The following STXBP5L variants were observed in gnomAD, a reference collection of about 807,000 sequenced individuals.
STXBP5L encodes the protein syntaxin binding protein 5L.
Under a neutral mutation model 144.5 loss-of-function variants are expected in STXBP5L, and 65 were observed. That is an observed-to-expected ratio of 0.45 (90% CI 0.37 to 0.55). The LOEUF is 0.55. Among genes scored for constraint, STXBP5L ranks in the 20% least tolerant of loss-of-function variants. The probability of loss-of-function intolerance (pLI) is 0.00; values close to 1 mark genes in which losing one functional copy is unlikely to be tolerated. For synonymous variants in STXBP5L, 505 were observed against 469.6 expected (o/e 1.08, Z -0.97); for missense variants, 1,298 against 1,405.5 (o/e 0.92, Z 1.22).
chr3:120,922,114 G>C (rs1239684787), intron 2 of STXBP5L, among the ~76,000 whole-genome samples: 1 of 151,812 alleles, frequency 6.6e-6, no homozygotes, highest in Non-Finnish European at 1.5e-5. Flanking sequence ...CTTTCCACTT[G>C]TTTGTGTCCT....
intron 19 of STXBP5L, among the ~76,000 whole-genome samples, chr3:121,288,319 T>C (rs930418200): frequency 1.3e-5 from 2 of 152,248 alleles, no homozygotes; most frequent in African/African-American, 4.8e-5. Context: ...TGTGTTTTTA[T>C]GGTAAACCAC....
Position 121,423,953 on chromosome 3 carries a change from A to G in STXBP5L, c.*4856A>G, listed in dbSNP as rs959590184. On this transcript the variant is annotated 3_prime_UTR_variant, in exon 27 of 27. Coordinates refer to ENST00000471454, the MANE Select transcript of STXBP5L (RefSeq NM_001308330.2). ...TGTGACTTGTCCATCAATTATTCCA[A>G]TTCAAAGGTCTAGGTTTTTTTTCAA... The G allele has an allele frequency of 6.6e-6, 1 of 152,178 alleles. No homozygotes were observed. Among genetic ancestry groups the G allele is most frequent in the Non-Finnish European group, 1.5e-5 (1 of 68,030 alleles). The allele number at this position is 152,178 out of a possible 1,614,324, so 9.4% of individuals were successfully genotyped here.
At chr3:121,034,945 A>T (rs1000280261) in intron 3 of STXBP5L, among the ~76,000 whole-genome samples, 3 of 152,044 alleles carry the variant, frequency 2.0e-5, no homozygotes, top group Non-Finnish European at 4.4e-5. Context: ...TTGTGGTTTT[A>T]ATTTGTATTT....
At chr3:121,262,313 G>A (rs998411594) in intron 18 of STXBP5L, among the ~76,000 whole-genome samples, 7 of 152,304 alleles carry the variant, frequency 4.6e-5, no homozygotes, top group African/African-American at 1.7e-4. Flanking sequence ...TAACTCAAAA[G>A]TTTAACGTTC....
chr3:121,301,329 C>T (rs1350939240), intron 19 of STXBP5L, among the ~76,000 whole-genome samples: 1 of 151,770 alleles, frequency 6.6e-6, no homozygotes, highest in East Asian at 1.9e-4. Context: ...GGAGTTCACT[C>T]GATTTGGCTC....
rs746387352 is a variant in STXBP5L, at chr3:121,418,376, C to T, written c.3266C>T (p.Ala1089Val). The T allele has an allele frequency of 1.8e-5, 29 of 1,613,810 alleles. No homozygotes were observed. The highest frequency in any genetic ancestry group is 2.3e-5 in the Non-Finnish European group (27 of 1,179,914). ...GCAGGAAAAGCATCCCGCAGCCTTG[C>T]GCAACACATTCCTGGACCAGGTAGT... Reference protein sequence around the residue: ...ASAGKASRSLAQHIPGPGSIE... With the variant: ...ASAGKASRSLVQHIPGPGSIE... Residue 1089 changes from alanine to valine, a missense_variant, in exon 26 of 27, where the codon GCG (alanine) becomes GTG (valine). Physicochemically the swap from Ala to Val is moderately conservative, Grantham distance 64. Coordinates refer to ENST00000471454, the MANE Select transcript of STXBP5L (RefSeq NM_001308330.2).
At chr3:121,221,888 T>C (rs2048984166) in intron 10 of STXBP5L, among the ~76,000 whole-genome samples, 1 of 151,894 alleles carries the variant, frequency 6.6e-6, no homozygotes. Context: ...AAAAAAACCC[T>C]TTTTGGTTAT....
intron 19 of STXBP5L, among the ~76,000 whole-genome samples, chr3:121,300,808 A>T (rs1266317184): frequency 6.6e-6 from 1 of 151,760 alleles, no homozygotes; most frequent in African/African-American, 2.4e-5. Context: ...CAAAGATTAT[A>T]TTAAATAGAG....
At position 121,420,231 on chromosome 3, in the gene STXBP5L, C is replaced by T. The variant is rs1484189401; in HGVS notation, c.*1134C>T. On this transcript the variant is annotated 3_prime_UTR_variant, in exon 27 of 27. Transcript: ENST00000471454. ...GACATTTCTGATTTACAAGGGCTTT[C>T]CTTAGAAAATACCTTTCGGTTTGAT... 1 of 152,098 alleles carries T rather than the reference C, an allele frequency of 6.6e-6. No individual in the cohort carries two copies. The highest frequency in any genetic ancestry group is 6.5e-5 in the Admixed American group (1 of 15,268). 9.4% of individuals were successfully genotyped at this position (152,098 alleles called of 1,614,324 possible).
chr3:121,008,699 C>A (rs1035583815), intron 3 of STXBP5L, among the ~76,000 whole-genome samples: 2 of 151,988 alleles, frequency 1.3e-5, no homozygotes, highest in South Asian at 2.1e-4. Flanking sequence ...GATAATAGTA[C>A]TACTAGTATA....
rs1481840692 is a variant in STXBP5L at position 121,041,746 on chromosome 3, G to A, written c.334G>A (p.Ala112Thr). Residue 112 changes from alanine (A) to threonine (T), a missense_variant, in exon 4 of 27, where the codon GCA becomes ACA. Ala to Thr is a moderately conservative substitution (Grantham distance 58, BLOSUM62 0). Coordinates refer to ENST00000471454, the MANE Select transcript of STXBP5L (RefSeq NM_001308330.2). The stretch of plus-strand genomic sequence containing the variant: ...TTGCTATTGCCAACATGAAAGTGGT[G>A]CAGCTGTCCTACAGCTCCAATTTTT... ...VDCYCQHESG[A>T]AVLQLQFLIN... 1.9e-6 allele frequency: 3 copies of A among 1,612,716 alleles called. No individual in the cohort carries two copies. The highest frequency in any genetic ancestry group is 2.5e-6 in the Non-Finnish European group (3 of 1,179,166).
intron 2 of STXBP5L, among the ~76,000 whole-genome samples, chr3:120,910,635 A>C (rs1421488000): frequency 6.6e-6 from 1 of 152,172 alleles, no homozygotes; most frequent in Non-Finnish European, 1.5e-5. Flanking sequence ...AAGAAATAGA[A>C]AAATTGCAAA....
intron 3 of STXBP5L, among the ~76,000 whole-genome samples, chr3:121,015,131 G>A (rs1945051658): frequency 6.6e-6 from 1 of 152,010 alleles, no homozygotes; most frequent in African/African-American, 2.4e-5. Context: ...ATCTCAGCAT[G>A]GTTTGTTGTT....
chr3:121,351,993 T>C (rs1223372557), intron 20 of STXBP5L, among the ~76,000 whole-genome samples: 1 of 152,130 alleles, frequency 6.6e-6, no homozygotes, highest in East Asian at 1.9e-4. Flanking sequence ...CAGATGATTG[T>C]AGATGTGTAG....
intron 5 of STXBP5L, among the ~76,000 whole-genome samples, chr3:121,094,037 G>A: frequency 6.6e-6 from 1 of 152,150 alleles, no homozygotes; most frequent in African/African-American, 2.4e-5. Flanking sequence ...GTGCCCAGTA[G>A]TCATTCAGGA....
At chr3:120,969,755 A>G (rs1165190078) in intron 3 of STXBP5L, among the ~76,000 whole-genome samples, 1 of 151,928 alleles carries the variant, frequency 6.6e-6, no homozygotes, top group Non-Finnish European at 1.5e-5. Flanking sequence ...TTATTTTTCT[A>G]CATGTGGCTT....
At chr3:121,113,565 T>A (rs908535189) in intron 5 of STXBP5L, among the ~76,000 whole-genome samples, 4 of 152,110 alleles carry the variant, frequency 2.6e-5, no homozygotes, top group Non-Finnish European at 4.4e-5. Flanking sequence ...CTTTGAATAA[T>A]ATATGAAGTT....
At chr3:121,083,673 A>AC (rs1286793358) in intron 5 of STXBP5L, among the ~76,000 whole-genome samples, 1 of 152,104 alleles carries the variant, frequency 6.6e-6, no homozygotes, top group Non-Finnish European at 1.5e-5. Flanking sequence ...AAGAAAAAAA[A>AC]AAAATGGTGT....
intron 3 of STXBP5L, among the ~76,000 whole-genome samples, chr3:120,976,161 A>T (rs1219317825): frequency 2.0e-5 from 3 of 152,164 alleles, no homozygotes; most frequent in Non-Finnish European, 4.4e-5. Flanking sequence ...TCGGCTGTGA[A>T]TCCATCTGGT....
Sources: allele counts gnomAD v4.1 joint callset (sites outside exome capture counted in the v4.1 genomes callset), GRCh38; gene constraint gnomAD v4.1.1; transcripts MANE v1.5; gene names NCBI Gene and HGNC (gene_info 2026-07-23, HGNC 2026-07-21).